Variants in NLN observed in about 807,000 individuals in gnomAD.
NLN encodes the protein neurolysin, mitochondrial.
NLN carries 64 observed loss-of-function variants against 79.9 expected under a neutral mutation model. The ratio of observed to expected loss-of-function variants is 0.80; its 90% CI spans 0.65 to 0.99. The LOEUF is 0.99. NLN is among the 50% of genes least tolerant of loss of function. NLN has a pLI of 0.00. For missense variants in NLN, 835 were observed against 858.7 expected (o/e 0.97, Z 0.34); for synonymous variants, 267 against 296.6 (o/e 0.90, Z 1.02).
chr5:65,777,686 G>A, intron 4 of NLN, 152 bp downstream of exon 4: 1 of 599,682 alleles, frequency 1.7e-6, no homozygotes, highest in South Asian at 2.2e-5. Flanking sequence ...GCTCATTGGA[G>A]CATTTCAGGT....
At chr5:65,775,477 T>G (rs980392260) in intron 3 of NLN, among the ~76,000 whole-genome samples, 2 of 152,170 alleles carry the variant, frequency 1.3e-5, no homozygotes, top group African/African-American at 2.4e-5. Context: ...ACCCAGCTCT[T>G]GCCAGGCCCT....
chr5:65,777,440 T>C lies in NLN; in HGVS notation c.464T>C (p.Leu155Pro), dbSNP rs1236073296. Residue 155 changes from leucine to proline, a missense_variant, in exon 4 of 13, where the codon CTG (leucine) becomes CCG (proline). Transcript: ENST00000380985. ...RIVHLQETCDLGKIKPEARRY... is the reference protein window; with the variant it reads ...RIVHLQETCDPGKIKPEARRY... ...CTTTAATTTCAGGAAACCTGTGATCTGGGGAAGATAAAACCTGAGGCCAGA... is the reference window on the plus strand; with the variant it reads ...CTTTAATTTCAGGAAACCTGTGATCCGGGGAAGATAAAACCTGAGGCCAGA... 1.2e-6 allele frequency: 2 copies of C among 1,609,782 alleles called. No homozygotes were observed. The highest frequency in any genetic ancestry group is 2.7e-5 in the African/African-American group (2 of 74,780).
intron 6 of NLN, 76 bp downstream of exon 6, chr5:65,781,497 C>A: frequency 9.4e-7 from 1 of 1,067,330 alleles, no homozygotes; most frequent in Non-Finnish European, 1.4e-6. Flanking sequence ...TCACCAGTGT[C>A]AAAGTCAGCT....
In NLN at chr5:65,723,314, G is replaced by A. The variant is rs117004949; in HGVS notation, c.41+900G>A. Reference sequence around the variant, plus strand: ...CACTCGTCTGTGTGGATGGAGCTTTGTGTTGCTCAGTCCGTAGAGTTAGGG... The same window carrying A: ...CACTCGTCTGTGTGGATGGAGCTTTATGTTGCTCAGTCCGTAGAGTTAGGG... On this transcript the variant is annotated intron_variant, in intron 1 of 12. Coordinates refer to ENST00000380985, the MANE Select transcript of NLN (RefSeq NM_020726.5). 3.9e-5 allele frequency among the ~76,000 whole-genome samples: 6 copies of A among 152,272 alleles called. No homozygotes were observed. In the East Asian group the frequency reaches 1.2e-3, roughly 29 times the overall value.
chr5:65,792,914 AG>A, intron 9 of NLN: 1 of 509,564 alleles, frequency 2.0e-6, no homozygotes, highest in South Asian at 1.7e-5. Flanking sequence ...CTGTAAGGAA[AG>A]GTTACAAATA....
Position 65,824,300 on chromosome 5 carries a change from A to G in NLN, c.*1385A>G, listed in dbSNP as rs527604845. 3 of 152,190 alleles carry G rather than the reference A, an allele frequency of 2.0e-5. No individual in the cohort carries two copies. The highest frequency in any genetic ancestry group is 2.0e-4 in the Admixed American group (3 of 15,272). 9.4% of individuals were successfully genotyped at this position (152,190 alleles called of 1,614,324 possible). A position where few individuals can be genotyped will look rare whatever the true frequency, so the allele number is the denominator to read the frequency against. Reference sequence around the variant, plus strand: ...GCTAAATAAAAAATTATTATACTACATAATAAAGTTACAGATAGCAGGAAA... The same window carrying G: ...GCTAAATAAAAAATTATTATACTACGTAATAAAGTTACAGATAGCAGGAAA... On this transcript the variant is annotated 3_prime_UTR_variant, in exon 13 of 13. Coordinates refer to ENST00000380985, the MANE Select transcript of NLN (RefSeq NM_020726.5).
At chr5:65,738,951 T>TA (rs1758799868) in intron 1 of NLN, among the ~76,000 whole-genome samples, 1 of 82,486 alleles carries the variant, frequency 1.2e-5, no homozygotes, top group Non-Finnish European at 2.5e-5. Flanking sequence ...TTATATATGT[T>TA]TATATATATG....
chr5:65,817,914 A>G (rs1760703273), intron 12 of NLN, among the ~76,000 whole-genome samples: 1 of 152,164 alleles, frequency 6.6e-6, no homozygotes. Flanking sequence ...GAGAATATGA[A>G]ATTTCCTCTC....
chr5:65,762,375 C>A (rs1315844745), intron 2 of NLN, among the ~76,000 whole-genome samples: 1 of 152,156 alleles, frequency 6.6e-6, no homozygotes. Flanking sequence ...TCTCTTCCTG[C>A]ATTGCCAGTT....
intron 9 of NLN, among the ~76,000 whole-genome samples, chr5:65,805,850 G>A (rs982215187): frequency 1.3e-5 from 2 of 152,196 alleles, no homozygotes; most frequent in African/African-American, 2.4e-5. Context: ...TCAATGCCTG[G>A]CTTGAAAGCT....
At chr5:65,818,285 TGG>T (rs1760715989) in intron 12 of NLN, among the ~76,000 whole-genome samples, 1 of 152,208 alleles carries the variant, frequency 6.6e-6, no homozygotes, top group African/African-American at 2.4e-5. Flanking sequence ...TATTCAGCGT[TGG>T]GTTCCCTTCT....
At chr5:65,812,647 A>G (rs1379909392) in intron 12 of NLN, among the ~76,000 whole-genome samples, 5 of 152,234 alleles carry the variant, frequency 3.3e-5, no homozygotes, top group Non-Finnish European at 7.3e-5. Flanking sequence ...TTAAAAATTC[A>G]AAGCTTTGTT....
intron 9 of NLN, chr5:65,793,124 TA>T (rs2150764915): frequency 3.7e-6 from 1 of 270,756 alleles, no homozygotes; most frequent in African/African-American, 2.3e-5. Context: ...ATAGATAATA[TA>T]GTCTAACCAT....
At chr5:65,809,760 G>T in intron 10 of NLN, 59 bp downstream of exon 10, 3 of 1,300,020 alleles carry the variant, frequency 2.3e-6, no homozygotes, top group Non-Finnish European at 3.2e-6. Flanking sequence ...TAGAATTGCT[G>T]TCACCTTCTT....
intron 3 of NLN, among the ~76,000 whole-genome samples, 163 bp downstream of exon 3, chr5:65,763,271 C>T (rs1030016161): frequency 2.0e-5 from 3 of 152,100 alleles, no homozygotes; most frequent in African/African-American, 4.8e-5. Context: ...TTAATTATAT[C>T]GTTGAGGTTA....
chr5:65,722,987 T>A (rs942329897), intron 1 of NLN: 1 of 152,528 alleles, frequency 6.6e-6, no homozygotes, highest in Non-Finnish European at 1.5e-5. Flanking sequence ...GAGAAAATGA[T>A]CGCTTGGACA....
intron 6 of NLN, among the ~76,000 whole-genome samples, chr5:65,782,829 T>A (rs988508724): frequency 1.3e-5 from 2 of 152,206 alleles, no homozygotes; most frequent in Non-Finnish European, 2.9e-5. Flanking sequence ...CAGTATTAGC[T>A]TTCCCAAACA....
At chr5:65,810,769 C>T (rs1461873438) in intron 11 of NLN, among the ~76,000 whole-genome samples, 16 of 152,008 alleles carry the variant, frequency 1.1e-4, no homozygotes, top group Non-Finnish European at 2.9e-5. Flanking sequence ...CACTTGAGCT[C>T]GGGAGTTCGA....
chr5:65,809,207 C>T (rs1018600297), intron 9 of NLN: 2 of 222,944 alleles, frequency 9.0e-6, no homozygotes, highest in Admixed American at 1.1e-4. Flanking sequence ...GCTTTCAAAG[C>T]TTAAGGCTTG....
Sources: gnomAD v4.1 joint callset for allele counts (sites outside exome capture counted in the v4.1 genomes callset) on GRCh38, gnomAD v4.1.1 for gene constraint, MANE v1.5 for transcripts, NCBI Gene and HGNC (gene_info 2026-07-23, HGNC 2026-07-21) for gene names.